Variants in DGKK observed in about 807,000 individuals in gnomAD.
The protein encoded by DGKK is 142 kDa diacylglycerol kinase.
Under a neutral mutation model 92.2 loss-of-function variants are expected in DGKK, and 35 were observed. That is an observed-to-expected ratio of 0.38 (90% CI 0.29 to 0.50). The LOEUF is 0.50. Ranked by LOEUF, DGKK falls within the 20% of genes least tolerant of loss-of-function variation. The pLI is 0.92. For synonymous variants in DGKK, 368 were observed against 360.6 expected (o/e 1.02, Z -0.23); for missense variants, 910 against 992.2 (o/e 0.92, Z 1.11).
intron 1 of DGKK, among the ~76,000 whole-genome samples, chrX:50,456,741 C>A (rs1472024377): frequency 9.0e-6 from 1 of 111,222 alleles, no homozygotes; most frequent in East Asian, 2.8e-4. Context: ...TCAATATGGG[C>A]CTCCTCCTAG....
chrX:50,400,373 T>G (rs1924970715), intron 8 of DGKK, among the ~76,000 whole-genome samples: 1 of 112,287 alleles, frequency 8.9e-6, no homozygotes, highest in African/African-American at 3.2e-5. Flanking sequence ...TCCTTTCCGC[T>G]CAACCTCCTA....
At chrX:50,439,388 A>G (rs1220195888) in intron 1 of DGKK, among the ~76,000 whole-genome samples, 1 of 111,611 alleles carries the variant, frequency 9.0e-6, no homozygotes, top group Non-Finnish European at 1.9e-5. Flanking sequence ...TTGCAATTTT[A>G]TCTGTAAAAA....
Position 50,384,734 on chromosome X carries a change from G to A in DGKK, c.2438C>T (p.Thr813Ile), listed in dbSNP as rs782231455. The change falls in exon 16 of 28, where the codon ACA becomes ATA. Residue 813 changes from threonine to isoleucine, a missense_variant. Physicochemically the swap from Thr to Ile is moderately conservative, Grantham distance 89. Transcript: ENST00000611977. ...LEDDPEDINQTSPRRRSRRGT... is the reference protein window; with the variant it reads ...LEDDPEDINQISPRRRSRRGT... ...AAGATCCTTACGGCGTCGTGGGCTTGTCTGGTTAATATCTTCTGGGTCATC... is the reference window on the plus strand; with the variant it reads ...AAGATCCTTACGGCGTCGTGGGCTTATCTGGTTAATATCTTCTGGGTCATC... The A allele has an allele frequency of 2.5e-6, 3 of 1,209,542 alleles. No homozygotes were observed. Among genetic ancestry groups the A allele is most frequent in the South Asian group, 3.5e-5 (2 of 56,577 alleles).
chrX:50,394,204 C>T (rs1372724114), intron 8 of DGKK, among the ~76,000 whole-genome samples: 1 of 111,673 alleles, frequency 9.0e-6, no homozygotes, highest in African/African-American at 3.3e-5. Context: ...AATAAATACA[C>T]AGGGCAAAAA....
intron 4 of DGKK, among the ~76,000 whole-genome samples, chrX:50,413,575 T>C (rs781913795): frequency 2.8e-4 from 31 of 112,182 alleles, no homozygotes; most frequent in African/African-American, 1.0e-3. Flanking sequence ...AAAGAAGATA[T>C]ACAAATGGCC....
intron 6 of DGKK, 108 bp downstream of exon 6, chrX:50,403,383 T>C: frequency 3.4e-6 from 3 of 891,517 alleles, no homozygotes; most frequent in Non-Finnish European, 4.8e-6. Context: ...ATTGTGAGCC[T>C]AGGACTTTGC....
At chrX:50,377,723 A>T (rs1557223987) in intron 22 of DGKK, among the ~76,000 whole-genome samples, 1 of 112,306 alleles carries the variant, frequency 8.9e-6, no homozygotes, top group Admixed American at 9.4e-5. Context: ...GCTGAAGGAG[A>T]AGATTTTTCC....
chrX:50,433,223 C>T (rs1259505839), intron 1 of DGKK, among the ~76,000 whole-genome samples: 2 of 112,082 alleles, frequency 1.8e-5, no homozygotes, highest in East Asian at 5.6e-4. Flanking sequence ...CAAAACTGGC[C>T]TTTTAACTTT....
At chrX:50,469,456 T>C in intron 1 of DGKK, among the ~76,000 whole-genome samples, 1 of 112,549 alleles carries the variant, frequency 8.9e-6, no homozygotes, top group Non-Finnish European at 1.9e-5. Context: ...CATCCCCTCG[T>C]CCTCACCAGG....
Position 50,382,577 on chromosome X carries a change from T to C in DGKK, c.2576A>G (p.Asn859Ser). The change falls in exon 18 of 28, where the codon AAC (asparagine) becomes AGC (serine). Residue 859 changes from asparagine to serine, a missense_variant. Physicochemically the swap from Asn to Ser is conservative, Grantham distance 46. Coordinates refer to ENST00000611977, the MANE Select transcript of DGKK (RefSeq NM_001013742.4). ...ATCCAGTCCAATTCCGAAGTAGTTG[T>C]TCATGACACATTTTTCTTTGAAGCG... ...SIRFKEKCVM[N>S]NYFGIGLDAK... is the part of the protein sequence containing the mutation. The C allele has an allele frequency of 1.7e-6, 2 of 1,209,356 alleles. No homozygotes were observed. Among genetic ancestry groups the C allele is most frequent in the Admixed American group, 2.2e-5 (1 of 45,851 alleles).
intron 1 of DGKK, among the ~76,000 whole-genome samples, chrX:50,438,706 C>T (rs782621985): frequency 2.0e-4 from 22 of 111,866 alleles, no homozygotes; most frequent in African/African-American, 7.1e-4. Context: ...TGGAGTTTAG[C>T]CACCAGCAGT....
intron 1 of DGKK, among the ~76,000 whole-genome samples, chrX:50,454,936 A>T (rs1934168): frequency 1.8e-5 from 2 of 110,879 alleles, no homozygotes; most frequent in African/African-American, 3.3e-5. Flanking sequence ...TCTCTGTACC[A>T]CTTTTCCTGT....
chrX:50,372,281 T>C (rs1261974707), intron 25 of DGKK, among the ~76,000 whole-genome samples: 1 of 112,178 alleles, frequency 8.9e-6, no homozygotes, highest in Non-Finnish European at 1.9e-5. Flanking sequence ...AAGGTACTAT[T>C]GTTTTCATTC....
chrX:50,406,236 T>G (rs1319992512), intron 4 of DGKK, among the ~76,000 whole-genome samples: 1 of 111,902 alleles, frequency 8.9e-6, no homozygotes, highest in East Asian at 2.8e-4. Flanking sequence ...TACAAAGGAA[T>G]AGGTAAAATG....
At chrX:50,454,826 C>A (rs1272082671) in intron 1 of DGKK, among the ~76,000 whole-genome samples, 2 of 111,807 alleles carry the variant, frequency 1.8e-5, no homozygotes, top group Admixed American at 9.5e-5. Flanking sequence ...TCTGATGTTC[C>A]TTTGGCAGTT....
At chrX:50,443,847 A>G (rs1245901161) in intron 1 of DGKK, among the ~76,000 whole-genome samples, 1 of 110,364 alleles carries the variant, frequency 9.1e-6, no homozygotes, top group Non-Finnish European at 1.9e-5. Flanking sequence ...TTCTATAGCC[A>G]CATCTACTCC....
At chrX:50,433,343 A>C (rs1361815260) in intron 1 of DGKK, among the ~76,000 whole-genome samples, 1 of 112,059 alleles carries the variant, frequency 8.9e-6, no homozygotes, top group African/African-American at 3.2e-5. Flanking sequence ...TCAAATAGCA[A>C]ATTAGTTGTA....
intron 1 of DGKK, among the ~76,000 whole-genome samples, chrX:50,434,262 T>G (rs1925962551): frequency 8.9e-6 from 1 of 111,958 alleles, no homozygotes; most frequent in South Asian, 3.8e-4. Context: ...AGGAAGAGAT[T>G]TGTTTCTGGC....
intron 1 of DGKK, among the ~76,000 whole-genome samples, chrX:50,461,895 C>T (rs989968251): frequency 9.0e-6 from 1 of 111,606 alleles, no homozygotes; most frequent in Middle Eastern, 4.3e-3. Flanking sequence ...TTTTATCGCC[C>T]TGCAGGAACA....
Sources: allele counts gnomAD v4.1 joint callset (sites outside exome capture counted in the v4.1 genomes callset), GRCh38; gene constraint gnomAD v4.1.1; transcripts MANE v1.5; gene names NCBI Gene and HGNC (gene_info 2026-07-23, HGNC 2026-07-21).